The following SCRG1 variants were observed in gnomAD, a reference collection of about 807,000 sequenced individuals.
SCRG1 encodes scrapie-responsive protein 1.
In SCRG1, 3 loss-of-function variants were observed where a neutral mutation model predicts 7.7. The ratio of observed to expected loss-of-function variants is 0.39; its 90% CI spans 0.18 to 1.01. SCRG1 has a LOEUF of 1.01. Among genes scored for constraint, SCRG1 ranks in the 50% least tolerant of loss-of-function variants. SCRG1 has a pLI of 0.36. For missense variants in SCRG1, 110 were observed against 117.2 expected, an observed-to-expected ratio of 0.94 and a Z score of 0.28; for synonymous variants, 46 against 41.2, an observed-to-expected ratio of 1.12 and a Z score of -0.44.
chr4:173,396,467 C>CTG (rs1560832153), intron 1 of SCRG1, among the ~76,000 whole-genome samples: 1 of 152,214 alleles, frequency 6.6e-6, no homozygotes, highest in Non-Finnish European at 1.5e-5. Context: ...GCAGCAAGGA[C>CTG]TGTAACTTCT....
At chr4:173,423,669 A>AT in the SCRG1 span, among the ~76,000 whole-genome samples, 110 of 150,858 alleles carry the variant, frequency 7.3e-4, 1 homozygote, top group African/African-American at 2.3e-3. Flanking sequence ...TTTTTTTTTA[A>AT]TTTTTTTTTT....
chr4:173,485,069 T>TA, the SCRG1 span, among the ~76,000 whole-genome samples: 1 of 4,614 alleles, frequency 2.2e-4, no homozygotes, highest in African/African-American at 4.3e-4. Flanking sequence ...ATATTATATA[T>TA]TATATATTAT....
the SCRG1 span, among the ~76,000 whole-genome samples, chr4:173,411,644 T>C: frequency 6.6e-6 from 1 of 152,250 alleles, no homozygotes; most frequent in African/African-American, 2.4e-5. Context: ...TTTCTAGTCT[T>C]TAAACTATGT....
the SCRG1 span, among the ~76,000 whole-genome samples, chr4:173,477,523 C>T: frequency 1.3e-5 from 2 of 152,028 alleles, no homozygotes; most frequent in Admixed American, 1.3e-4. Flanking sequence ...GGCAGCACAG[C>T]CCATACCCAA....
the SCRG1 span, among the ~76,000 whole-genome samples, chr4:173,476,380 A>ATATATATATATATAT: frequency 2.9e-4 from 40 of 138,500 alleles, no homozygotes; most frequent in East Asian, 6.4e-4. Flanking sequence ...ATATATATAT[A>ATATATATATATATAT]ATGAATTGAA....
chr4:173,440,565 G>C, the SCRG1 span, among the ~76,000 whole-genome samples: 3 of 152,188 alleles, frequency 2.0e-5, no homozygotes, highest in Admixed American at 2.0e-4. Flanking sequence ...TGGGAACGGA[G>C]ACATATACAC....
the SCRG1 span, among the ~76,000 whole-genome samples, chr4:173,461,834 A>C: frequency 3.3e-5 from 5 of 151,976 alleles, no homozygotes; most frequent in African/African-American, 1.2e-4. Context: ...AAAGGAATTC[A>C]GAATTCTATC....
At chr4:173,448,999 G>A in the SCRG1 span, among the ~76,000 whole-genome samples, 2 of 152,186 alleles carry the variant, frequency 1.3e-5, no homozygotes, top group Non-Finnish European at 2.9e-5. Flanking sequence ...AGCATTTTGC[G>A]ATGTTGCTAA....
At chr4:173,443,724 G>A in the SCRG1 span, among the ~76,000 whole-genome samples, 1 of 151,662 alleles carries the variant, frequency 6.6e-6, no homozygotes, top group Non-Finnish European at 1.5e-5. Flanking sequence ...TAAGAGAAGG[G>A]GTCTTGTTAT....
chr4:173,391,194 C>T lies in SCRG1; in HGVS notation c.221G>A (p.Ser74Asn), dbSNP rs574223528. 18 of 1,614,164 alleles carry T rather than the reference C, an allele frequency of 1.1e-5. No homozygotes were observed. In the African/African-American group the frequency reaches 1.7e-4, roughly 16 times the overall value. Reference sequence around the variant, plus strand: ...TTACTTTGGGCAGCAGAGCAATTCGCTGAAGTTGCAGTAACAGATCATCTC... The same window carrying T: ...TTACTTTGGGCAGCAGAGCAATTCGTTGAAGTTGCAGTAACAGATCATCTC... ...GCEMICYCNFSELLCCPKDVF... is the reference protein window; with the variant it reads ...GCEMICYCNFNELLCCPKDVF... The change falls in exon 2 of 3, where the codon AGC (serine) becomes AAC (asparagine). Residue 74 changes from serine (S) to asparagine (N), a missense_variant. By Grantham distance (46) the Ser-to-Asn change is conservative. Coordinates refer to ENST00000296506, the MANE Select transcript of SCRG1 (RefSeq NM_007281.4).
chr4:173,447,296 G>T, the SCRG1 span, among the ~76,000 whole-genome samples: 1 of 152,132 alleles, frequency 6.6e-6, no homozygotes, highest in Non-Finnish European at 1.5e-5. Context: ...CCATTTATGA[G>T]CGTTCCACCT....
At chr4:173,416,151 C>A in the SCRG1 span, among the ~76,000 whole-genome samples, 2 of 152,200 alleles carry the variant, frequency 1.3e-5, no homozygotes, top group Non-Finnish European at 2.9e-5. Context: ...CAGTCAGAGG[C>A]CCTAACGTTT....
At position 173,405,408 on chromosome 4, in the gene SCRG1, G is replaced by A. The variant is rs564913530; in HGVS notation, c.-748+852C>T. ...CAATCACCTGGCTCAAGTCGTTTTC[G>A]TTATGTGGCTCCACTGCACATTTAC... On this transcript the variant is annotated intron_variant and NMD_transcript_variant, in intron 1 of 8. Coordinates refer to the SCRG1 transcript ENST00000512188. Among the ~76,000 whole-genome samples the A allele has an allele frequency of 5.3e-5, 8 of 152,234 alleles. No individual in the cohort carries two copies. In the South Asian group the frequency reaches 6.2e-4, roughly 12 times the overall value.
At chr4:173,440,363 G>C in the SCRG1 span, among the ~76,000 whole-genome samples, 1 of 152,334 alleles carries the variant, frequency 6.6e-6, no homozygotes, top group East Asian at 1.9e-4. Context: ...AATGGGCACG[G>C]CTTTGACATG....
At chr4:173,483,217 A>AAT in the SCRG1 span, among the ~76,000 whole-genome samples, 3 of 75,950 alleles carry the variant, frequency 3.9e-5, no homozygotes, top group African/African-American at 1.7e-4. Flanking sequence ...TATATCATAT[A>AAT]ATATATATAT....
At chr4:173,481,270 C>T in the SCRG1 span, among the ~76,000 whole-genome samples, 1 of 152,066 alleles carries the variant, frequency 6.6e-6, no homozygotes, top group African/African-American at 2.4e-5. Context: ...AAATTGGTTA[C>T]TTGCTGTTCA....
chr4:173,498,586 G>A, the SCRG1 span, among the ~76,000 whole-genome samples: 4 of 152,334 alleles, frequency 2.6e-5, no homozygotes, highest in Admixed American at 1.3e-4. Context: ...GGGTTCCAGT[G>A]TTGGCTTTGC....
At chr4:173,404,303 A>G (rs1455762029) in intron 2 of SCRG1, 1 of 152,182 alleles carries the variant, frequency 6.6e-6, no homozygotes, top group Non-Finnish European at 1.5e-5. Context: ...CATGAATCAC[A>G]CCTGCTCTCT....
At chr4:173,439,436 G>A in the SCRG1 span, among the ~76,000 whole-genome samples, 1 of 151,788 alleles carries the variant, frequency 6.6e-6, no homozygotes, top group African/African-American at 2.4e-5. Flanking sequence ...GATCACTTGG[G>A]CCTGAGAGGT....
Sources: allele counts gnomAD v4.1 joint callset (sites outside exome capture counted in the v4.1 genomes callset), GRCh38; gene constraint gnomAD v4.1.1; transcripts MANE v1.5; gene names NCBI Gene and HGNC (gene_info 2026-07-23, HGNC 2026-07-21).